Variants in KDM4C observed in about 807,000 individuals in gnomAD.
KDM4C encodes the protein lysine-specific demethylase 4C.
In KDM4C, 81 loss-of-function variants were observed where a neutral mutation model predicts 129.3. The observed-to-expected ratio is 0.63, with a 90% confidence interval of 0.52 to 0.75. The LOEUF is 0.75. Among genes scored for constraint, KDM4C ranks in the 30% least tolerant of loss-of-function variants. KDM4C has a pLI of 0.00. For synonymous variants in KDM4C, 573 were observed against 456.1 expected, an observed-to-expected ratio of 1.26 and a Z score of -3.26; for missense variants, 1,457 against 1,304.0, an observed-to-expected ratio of 1.12 and a Z score of -1.81.
intron 1 of KDM4C, among the ~76,000 whole-genome samples, chr9:6,749,682 AT>A (rs958203001): frequency 2.0e-4 from 30 of 152,026 alleles, no homozygotes; most frequent in African/African-American, 6.5e-4. Context: ...AAATAAAAAA[AT>A]AAAATTAAAA....
intron 13 of KDM4C, 59 bp downstream of exon 13, chr9:7,011,938 C>A: frequency 7.2e-7 from 1 of 1,385,276 alleles, no homozygotes; most frequent in Non-Finnish European, 1.0e-6. Context: ...TGACCACATA[C>A]CACAAGATCA....
At chr9:6,779,313 G>A (rs1823807851) in intron 1 of KDM4C, among the ~76,000 whole-genome samples, 1 of 152,156 alleles carries the variant, frequency 6.6e-6, no homozygotes, top group African/African-American at 2.4e-5. Flanking sequence ...ACCGTGCCTG[G>A]CTGATTAAAG....
At chr9:6,931,571 G>T (rs994859838) in intron 8 of KDM4C, among the ~76,000 whole-genome samples, 16 of 151,996 alleles carry the variant, frequency 1.1e-4, no homozygotes, top group African/African-American at 3.1e-4. Flanking sequence ...TGCAATCTTG[G>T]CTCACTGTAG....
intron 15 of KDM4C, among the ~76,000 whole-genome samples, chr9:7,031,986 C>T (rs1826859919): frequency 6.6e-6 from 1 of 152,136 alleles, no homozygotes; most frequent in East Asian, 1.9e-4. Flanking sequence ...TGGAGTATAC[C>T]TTAGTCTACT....
chr9:6,889,252 G>GTGTGTGTGTGTGTGTGTGT (rs747649175), intron 7 of KDM4C, among the ~76,000 whole-genome samples: 48 of 75,068 alleles, frequency 6.4e-4, no homozygotes, highest in African/African-American at 1.6e-3. Context: ...TGTGTGTGTG[G>GTGTGTGTGTGTGTGTGTGT]GAGGGTGGGG....
intron 11 of KDM4C, among the ~76,000 whole-genome samples, chr9:6,989,993 G>GTC (rs1245806414): frequency 4.0e-5 from 6 of 151,430 alleles, no homozygotes; most frequent in Non-Finnish European, 8.8e-5. Flanking sequence ...GCCCAGGCTA[G>GTC]TCTCAAGCTC....
chr9:6,878,004 A>G (rs1843828571), intron 5 of KDM4C, among the ~76,000 whole-genome samples: 1 of 152,226 alleles, frequency 6.6e-6, no homozygotes, highest in African/African-American at 2.4e-5. Context: ...AGAAGAGAGA[A>G]GCATGTAAAA....
intron 8 of KDM4C, among the ~76,000 whole-genome samples, chr9:6,924,362 G>A (rs61204407): frequency 0.29 from 43,443 of 151,994 alleles, 6,537 homozygotes; most frequent in South Asian, 0.39. Context: ...TGTATGGGCC[G>A]CCACCACAGG....
intron 7 of KDM4C, among the ~76,000 whole-genome samples, chr9:6,889,326 C>T (rs986414835): frequency 4.0e-5 from 6 of 150,260 alleles, no homozygotes; most frequent in Admixed American, 3.3e-4. Flanking sequence ...GAGGTGATTC[C>T]CTGCTCCCTC....
chr9:6,862,840 AAAAAAC>A (rs1162179807), intron 5 of KDM4C, among the ~76,000 whole-genome samples: 1 of 150,612 alleles, frequency 6.6e-6, no homozygotes, highest in African/African-American at 2.5e-5. Flanking sequence ...ACAAACAAAC[AAAAAAC>A]AAAAAAAAAT....
At chr9:6,989,681 GA>G (rs5896172) in intron 11 of KDM4C, among the ~76,000 whole-genome samples, 40,977 of 152,032 alleles carry the variant, frequency 0.27, 6,007 homozygotes, top group Non-Finnish European at 0.32. Flanking sequence ...TGTGAGGATA[GA>G]AAATAAAATT....
intron 17 of KDM4C, among the ~76,000 whole-genome samples, chr9:7,101,845 C>G (rs893381162): frequency 6.6e-6 from 1 of 152,200 alleles, no homozygotes; most frequent in African/African-American, 2.4e-5. Context: ...TATTCAAACA[C>G]TGACCTCTAT....
intron 4 of KDM4C, among the ~76,000 whole-genome samples, chr9:6,821,449 A>T (rs1338670277): frequency 6.6e-6 from 1 of 151,816 alleles, no homozygotes; most frequent in African/African-American, 2.4e-5. Context: ...TGTGGTTTTG[A>T]TTTGCATTTT....
chr9:7,163,387 T>C (rs1459984343), intron 19 of KDM4C, among the ~76,000 whole-genome samples: 5 of 152,070 alleles, frequency 3.3e-5, no homozygotes, highest in African/African-American at 1.2e-4. Context: ...GGCACATAGT[T>C]TGGGAAATAC....
At chr9:6,730,375 G>A (rs1004203308) in intron 1 of KDM4C, among the ~76,000 whole-genome samples, 5 of 152,152 alleles carry the variant, frequency 3.3e-5, no homozygotes, top group South Asian at 2.1e-4. Context: ...CAGCACTTTC[G>A]GAGGCCAAGG....
intron 8 of KDM4C, among the ~76,000 whole-genome samples, chr9:6,934,845 A>C (rs879910215): frequency 1.3e-5 from 2 of 152,050 alleles, no homozygotes; most frequent in Admixed American, 6.6e-5. Context: ...TACCAAGATG[A>C]GGCAAAGTTG....
intron 12 of KDM4C, 85 bp from the exon 13 acceptor site, chr9:7,011,613 G>C (rs1822706318): frequency 1.6e-6 from 2 of 1,232,138 alleles, no homozygotes; most frequent in African/African-American, 1.5e-5. Flanking sequence ...CACAGATTCT[G>C]TGGAATGTTT....
chr9:6,773,503 G>A (rs1822334060), intron 1 of KDM4C, among the ~76,000 whole-genome samples: 1 of 152,134 alleles, frequency 6.6e-6, no homozygotes, highest in Non-Finnish European at 1.5e-5. Flanking sequence ...CAGGCGTGGT[G>A]GCTCATGCCT....
At chr9:7,016,309 A>T (rs1823667340) in intron 15 of KDM4C, among the ~76,000 whole-genome samples, 1 of 150,834 alleles carries the variant, frequency 6.6e-6, no homozygotes, top group African/African-American at 2.4e-5. Context: ...TTGTATTTTT[A>T]GTAGAGACGG....
Sources: gnomAD v4.1 joint callset for allele counts (sites outside exome capture counted in the v4.1 genomes callset) on GRCh38, gnomAD v4.1.1 for gene constraint, MANE v1.5 for transcripts, NCBI Gene and HGNC (gene_info 2026-07-23, HGNC 2026-07-21) for gene names.